The following LAMB3 variants were observed in gnomAD, a reference collection of about 807,000 sequenced individuals.
The protein encoded by LAMB3 is laminin subunit beta-3.
Under a neutral mutation model 140.3 loss-of-function variants are expected in LAMB3, and 104 were observed. The ratio of observed to expected loss-of-function variants is 0.74; its 90% CI spans 0.63 to 0.87. LAMB3 has a LOEUF of 0.87. Among genes scored for constraint, LAMB3 ranks in the 40% least tolerant of loss-of-function variants. The pLI is 0.00. For synonymous variants in LAMB3, 592 were observed against 602.9 expected, an observed-to-expected ratio of 0.98 and a Z score of 0.26; for missense variants, 1,531 against 1,575.2, an observed-to-expected ratio of 0.97 and a Z score of 0.47.
chr1:209,644,255 C>T (rs1003824259), intron 3 of LAMB3, among the ~76,000 whole-genome samples: 6 of 152,198 alleles, frequency 3.9e-5, no homozygotes, highest in Admixed American at 2.6e-4. Context: ...TTCCTTATCA[C>T]GAAGTGAAAT....
intron 1 of LAMB3, chr1:209,651,211 C>T (rs772546177): frequency 9.5e-6 from 5 of 526,882 alleles, no homozygotes; most frequent in Non-Finnish European, 1.4e-5. Context: ...AATCCCATCC[C>T]TTCCCAGACT....
At chr1:209,645,438 C>T (rs761812411) in intron 3 of LAMB3, among the ~76,000 whole-genome samples, 10 of 151,918 alleles carry the variant, frequency 6.6e-5, no homozygotes, top group African/African-American at 1.9e-4. Context: ...TATTTTGGGC[C>T]GGGGGGAGTG....
Position 209,632,628 on chromosome 1 carries a change from GCAGCGAT to G in LAMB3, c.770_776del (p.Asp257AlafsTer137). On this transcript the variant is annotated frameshift_variant, in exon 8 of 23. Coordinates refer to ENST00000356082, the MANE Select transcript of LAMB3 (RefSeq NM_000228.3). LOFTEE classifies it high-confidence loss of function. ...CTGCAGAGGCCCCAGGCTTGGGTGCGCAGCGATCAGCATGGCCGTGACAGAAGCAGCT... is the reference window on the plus strand; with the variant it reads ...CTGCAGAGGCCCCAGGCTTGGGTGCGCAGCATGGCCGTGACAGAAGCAGCT... 1.9e-6 allele frequency: 3 copies of G among 1,614,084 alleles called. No individual in the cohort carries two copies. The highest frequency in any genetic ancestry group is 2.5e-6 in the Non-Finnish European group (3 of 1,179,944).
In LAMB3 at chr1:209,634,650, G is replaced by A. The variant is rs1449237335; in HGVS notation, c.373-12C>T. Reference sequence around the variant, plus strand: ...GCGGGCATGGGCCCCTGTGGAGACAGGGGCAGTGTGCAGAGGGGAGGCACT... The same window carrying A: ...GCGGGCATGGGCCCCTGTGGAGACAAGGGCAGTGTGCAGAGGGGAGGCACT... On this transcript the variant is annotated splice_polypyrimidine_tract_variant and intron_variant, in intron 5 of 22. Coordinates refer to ENST00000356082, the MANE Select transcript of LAMB3 (RefSeq NM_000228.3). The A allele has an allele frequency of 2.7e-5, 44 of 1,609,116 alleles. No homozygotes were observed. The highest frequency in any genetic ancestry group is 3.7e-5 in the Non-Finnish European group (44 of 1,177,460).
chr1:209,634,392 G>C lies in LAMB3; in HGVS notation c.564+55C>G. Reference sequence around the variant, plus strand: ...AGGAGTCCGTGTGGCTGTGTGAACAGTGGGACATCAGGGATTTCTCCCCAG... The same window carrying C: ...AGGAGTCCGTGTGGCTGTGTGAACACTGGGACATCAGGGATTTCTCCCCAG... On this transcript the variant is annotated intron_variant, in intron 6 of 22. Transcript: ENST00000356082. The C allele has an allele frequency of 1.9e-6, 3 of 1,547,726 alleles. No homozygotes were observed. The East Asian group carries it at 6.7e-5, about 35-fold the overall frequency.
Position 209,623,512 on chromosome 1 carries a change from A to G in LAMB3, c.2351T>C (p.Phe784Ser), listed in dbSNP as rs1666288928. 1 of 1,614,092 alleles carries G rather than the reference A, an allele frequency of 6.2e-7. No homozygotes were observed. Among genetic ancestry groups the G allele is most frequent in the Non-Finnish European group, 8.5e-7 (1 of 1,179,952 alleles). The part of the protein sequence containing the change: ...MSSLPDLTPT[F>S]NKLCGNSRQM... ...CTCCATGCCCCAAGTCACCTTGTTG[A>G]AGGTGGGTGTCAGGTCAGGCAACGA... The change falls in exon 16 of 23, where the codon TTC (phenylalanine) becomes TCC (serine). Residue 784 changes from phenylalanine (F) to serine (S), a missense_variant. Coordinates refer to ENST00000356082, the MANE Select transcript of LAMB3 (RefSeq NM_000228.3). This position sits in a 1 kb window ranked among gnomAD's most constrained non-coding sequence, Gnocchi z 4.2.
At chr1:209,620,280 G>C (rs1342810108) in intron 18 of LAMB3, among the ~76,000 whole-genome samples, 2 of 152,220 alleles carry the variant, frequency 1.3e-5, no homozygotes, top group African/African-American at 4.8e-5. Flanking sequence ...ATGGGAGACA[G>C]GCACATGAAC....
chr1:209,624,927 GA>G, intron 14 of LAMB3, among the ~76,000 whole-genome samples: 1 of 147,822 alleles, frequency 6.8e-6, no homozygotes, highest in African/African-American at 2.5e-5. Flanking sequence ...AGGAAGGAAG[GA>G]AGGAAGGAAA....
Position 209,632,613 on chromosome 1 carries a change from C to T in LAMB3, c.792G>A (p.Gly264=), listed in dbSNP as rs1053510730. Residue 264 remains glycine (G), a synonymous_variant, in exon 8 of 23, where the codon GGG becomes GGA. Coordinates refer to ENST00000356082, the MANE Select transcript of LAMB3 (RefSeq NM_000228.3). The part of the protein sequence containing the change: ...GHADRCAPKP[G]ASAGPSTAVQ... The stretch of plus-strand genomic sequence containing the variant: ...CAGCGGTGGAGGGGCCTGCAGAGGC[C>T]CCAGGCTTGGGTGCGCAGCGATCAG... The T allele has an allele frequency of 6.2e-7, 1 of 1,614,072 alleles. No individual in the cohort carries two copies. Among genetic ancestry groups the T allele is most frequent in the Non-Finnish European group, 8.5e-7 (1 of 1,179,944 alleles).
chr1:209,641,076 CTG>C (rs1254385527), intron 3 of LAMB3, among the ~76,000 whole-genome samples: 6 of 122,564 alleles, frequency 4.9e-5, no homozygotes, highest in South Asian at 5.9e-4. Flanking sequence ...GAGCGAGACT[CTG>C]TCTCAAAAAA....
intron 3 of LAMB3, among the ~76,000 whole-genome samples, chr1:209,639,136 G>A (rs1239414086): frequency 1.3e-5 from 2 of 152,178 alleles, no homozygotes; most frequent in African/African-American, 4.8e-5. Flanking sequence ...AGAGGACAAG[G>A]AAATGTGGAG....
intron 6 of LAMB3, among the ~76,000 whole-genome samples, 186 bp from the exon 7 acceptor site, chr1:209,633,319 A>T (rs1666764795): frequency 6.6e-6 from 1 of 152,158 alleles, no homozygotes; most frequent in African/African-American, 2.4e-5. Flanking sequence ...TGGGCCCTAA[A>T]CGTGTGTGTG....
chr1:209,637,776 T>C (rs1666938566), intron 5 of LAMB3, 132 bp downstream of exon 5: 1 of 771,124 alleles, frequency 1.3e-6, no homozygotes, highest in Admixed American at 2.1e-5. Context: ...TCCTCTTCTG[T>C]CACCATGATA....
intron 3 of LAMB3, among the ~76,000 whole-genome samples, chr1:209,641,732 C>G (rs141856676): frequency 6.6e-6 from 1 of 152,214 alleles, no homozygotes; most frequent in Admixed American, 6.5e-5. Flanking sequence ...AACTGGAGAC[C>G]TGTCGCTGGC....
Position 209,650,907 on chromosome 1 carries a change from G to T in LAMB3, c.28+10C>A. On this transcript the variant is annotated intron_variant, in intron 2 of 22. Coordinates refer to ENST00000356082, the MANE Select transcript of LAMB3 (RefSeq NM_000228.3). Reference sequence around the variant, plus strand: ...TAACAGGGCCTGGAAGGATGGGAAGGGGTACTTACCAAAACACAAGAGGAA... The same window carrying T: ...TAACAGGGCCTGGAAGGATGGGAAGTGGTACTTACCAAAACACAAGAGGAA... The T allele has an allele frequency of 3.1e-6, 5 of 1,613,858 alleles. No homozygotes were observed. The highest frequency in any genetic ancestry group is 4.2e-6 in the Non-Finnish European group (5 of 1,179,752).
intron 18 of LAMB3, 137 bp from the exon 19 acceptor site, chr1:209,618,796 C>T: frequency 1.3e-6 from 1 of 784,796 alleles, no homozygotes. Flanking sequence ...GCTGCTGCCC[C>T]CTTTCAACCA....
chr1:209,623,172 C>A lies in LAMB3; in HGVS notation c.2366G>T (p.Gly789Val). 1 of 1,614,186 alleles carries A rather than the reference C, an allele frequency of 6.2e-7. No individual in the cohort carries two copies. ...DLTPTFNKLC[G>V]NSRQMACTPI... The stretch of plus-strand genomic sequence containing the variant: ...GGTGCAAGCCATCTGCCTGGAGTTG[C>A]CACAGAGCTGTGGACAGATGGCGGT... The change falls in exon 17 of 23, where the codon GGC becomes GTC. Residue 789 changes from glycine to valine, a missense_variant. Physicochemically the swap from Gly to Val is moderately radical, Grantham distance 109. Coordinates refer to ENST00000356082, the MANE Select transcript of LAMB3 (RefSeq NM_000228.3). The surrounding 1 kb of genome is among the most constrained non-coding windows in gnomAD (Gnocchi z 4.2).
chr1:209,642,841 CA>C (rs1228111959), intron 3 of LAMB3, among the ~76,000 whole-genome samples: 4 of 152,158 alleles, frequency 2.6e-5, no homozygotes, highest in Non-Finnish European at 5.9e-5. Flanking sequence ...CAAATAGTAT[CA>C]TAAAACAAAA....
chr1:209,622,372 A>G (rs1483179050), intron 18 of LAMB3, among the ~76,000 whole-genome samples, 164 bp downstream of exon 18: 2 of 152,188 alleles, frequency 1.3e-5, no homozygotes, highest in African/African-American at 4.8e-5. Context: ...GGGAGGGCAG[A>G]CGGGAGAACG....
Sources: gnomAD v4.1 joint callset for allele counts (sites outside exome capture counted in the v4.1 genomes callset) on GRCh38, gnomAD v4.1.1 for gene constraint, Gnocchi (gnomAD v3.1) non-coding constraint, MANE v1.5 for transcripts, NCBI Gene and HGNC (gene_info 2026-07-23, HGNC 2026-07-21) for gene names.